EPM2A: variants seen among roughly 807,000 people sequenced by gnomAD.
EPM2A encodes the protein EPM2A glucan phosphatase, laforin.
Under a neutral mutation model 26.5 loss-of-function variants are expected in EPM2A, and 21 were observed. The observed-to-expected ratio is 0.79, with a 90% CI of 0.56 to 1.14. EPM2A has a LOEUF of 1.14. Among genes scored for constraint, EPM2A ranks in the 50% most tolerant of loss-of-function variants. The probability of loss-of-function intolerance (pLI) is 0.00; values close to 1 mark genes in which losing one functional copy is unlikely to be tolerated. For synonymous variants in EPM2A, 217 were observed against 177.6 expected (o/e 1.22, Z -1.76); for missense variants, 458 against 440.8 (o/e 1.04, Z -0.35).
At position 145,735,392 on chromosome 6, in the gene EPM2A, C is replaced by A; in HGVS notation, c.107G>T (p.Gly36Val). ...GCCGGCCGGCCTCAGGCGGACGGCA[C>A]CGCGCGGCTCCCAACGCCCCAGCTC... ...RPELGRWEPR[G>V]AVRLRPAGTA... The change falls in exon 1 of 4, where the codon GGT becomes GTT. Residue 36 changes from glycine to valine, a missense_variant. Coordinates refer to ENST00000367519, the MANE Select transcript of EPM2A (RefSeq NM_005670.4). 8.1e-7 allele frequency: 1 copy of A among 1,232,712 alleles called. No individual in the cohort carries two copies. Among genetic ancestry groups the A allele is most frequent in the South Asian group, 2.9e-5 (1 of 34,080 alleles). 76.4% of individuals were successfully genotyped at this position (1,232,712 alleles called of 1,614,324 possible). A position where few individuals can be genotyped will look rare whatever the true frequency, so the allele number is the denominator to read the frequency against.
At chr6:145,495,157 T>A (rs1779800622) in intron 4 of EPM2A, among the ~76,000 whole-genome samples, 1 of 152,212 alleles carries the variant, frequency 6.6e-6, no homozygotes, top group South Asian at 2.1e-4. Flanking sequence ...GCTTTATAAA[T>A]CTGGATGCTC....
At chr6:145,443,758 A>T (rs1779097053) in intron 4 of EPM2A, among the ~76,000 whole-genome samples, 1 of 152,056 alleles carries the variant, frequency 6.6e-6, no homozygotes, top group Non-Finnish European at 1.5e-5. Context: ...TGTGGAAGGG[A>T]CCTAGTGGGA....
chr6:145,728,204 T>C (rs541549138), intron 1 of EPM2A, among the ~76,000 whole-genome samples: 20 of 152,320 alleles, frequency 1.3e-4, no homozygotes, highest in South Asian at 2.1e-4. Flanking sequence ...ATGCAAGAAC[T>C]GACTAATACA....
At chr6:145,418,267 A>G (rs1219842656) in intron 4 of EPM2A, among the ~76,000 whole-genome samples, 1 of 152,152 alleles carries the variant, frequency 6.6e-6, no homozygotes, top group Non-Finnish European at 1.5e-5. Flanking sequence ...GCAAATTCCC[A>G]CAAATTCTTC....
intron 4 of EPM2A, among the ~76,000 whole-genome samples, chr6:145,461,186 G>A (rs1779325467): frequency 6.6e-6 from 1 of 152,162 alleles, no homozygotes; most frequent in Non-Finnish European, 1.5e-5. Context: ...CCAAAGCAAT[G>A]TCCCTGTCTA....
chr6:145,456,150 A>C (rs73559192), intron 4 of EPM2A, among the ~76,000 whole-genome samples: 2,463 of 152,308 alleles, frequency 0.016, 62 homozygotes, highest in African/African-American at 0.056. Context: ...GCTGTCAGAA[A>C]GTGATTTATG....
At chr6:145,452,029 G>A (rs1055626452) in intron 4 of EPM2A, among the ~76,000 whole-genome samples, 2 of 152,082 alleles carry the variant, frequency 1.3e-5, no homozygotes, top group Non-Finnish European at 2.9e-5. Flanking sequence ...TCTCCTTCCC[G>A]TGTCAGTACA....
intron 4 of EPM2A, chr6:145,384,135 A>G (rs1778226823): frequency 6.6e-6 from 1 of 151,958 alleles, no homozygotes; most frequent in Non-Finnish European, 1.5e-5. Context: ...TCTTGAGATT[A>G]TTTTACTTTG....
intron 2 of EPM2A, among the ~76,000 whole-genome samples, chr6:145,565,454 T>G (rs1369939939): frequency 6.6e-6 from 1 of 152,162 alleles, no homozygotes; most frequent in East Asian, 1.9e-4. Context: ...AAATATGAAC[T>G]AAACTTTAGA....
chr6:145,677,323 A>T (rs968906328), intron 2 of EPM2A, among the ~76,000 whole-genome samples: 1 of 152,218 alleles, frequency 6.6e-6, no homozygotes, highest in East Asian at 1.9e-4. Context: ...CACAGCCAAT[A>T]TTATACTGAA....
chr6:145,505,257 AT>A (rs946887090), intron 2 of EPM2A, among the ~76,000 whole-genome samples: 2 of 151,076 alleles, frequency 1.3e-5, no homozygotes, highest in African/African-American at 4.9e-5. Flanking sequence ...AAAAAAAAAA[AT>A]TTATTTTGAA....
intron 2 of EPM2A, among the ~76,000 whole-genome samples, chr6:145,661,455 C>A (rs558812213): frequency 6.6e-6 from 1 of 152,296 alleles, no homozygotes; most frequent in African/African-American, 2.4e-5. Flanking sequence ...TGTTTAAATG[C>A]AAGGGAATCC....
At chr6:145,432,697 G>A (rs922921944) in intron 4 of EPM2A, among the ~76,000 whole-genome samples, 5 of 152,096 alleles carry the variant, frequency 3.3e-5, no homozygotes. Context: ...AAAGCCACCA[G>A]CCATGTTAGC....
At chr6:145,616,103 CA>C (rs1480204940) in intron 2 of EPM2A, among the ~76,000 whole-genome samples, 1 of 152,232 alleles carries the variant, frequency 6.6e-6, no homozygotes, top group Non-Finnish European at 1.5e-5. Context: ...GTCTTCACTG[CA>C]GCCCCTCCCA....
intron 2 of EPM2A, among the ~76,000 whole-genome samples, chr6:145,506,121 C>T (rs1466791578): frequency 6.6e-6 from 1 of 152,110 alleles, no homozygotes; most frequent in Non-Finnish European, 1.5e-5. Flanking sequence ...AAGAGACAGC[C>T]CCTGTGTCAA....
chr6:145,421,229 C>A (rs1028149027), intron 4 of EPM2A, among the ~76,000 whole-genome samples: 1 of 152,052 alleles, frequency 6.6e-6, no homozygotes, highest in Non-Finnish European at 1.5e-5. Context: ...TGTAAATAGA[C>A]AGTGAAGGAC....
At chr6:145,634,815 C>A (rs1198059238) in intron 3 of EPM2A, 1 of 164,806 alleles carries the variant, frequency 6.1e-6, no homozygotes, top group African/African-American at 2.4e-5. Flanking sequence ...GACCCCACTT[C>A]TTGGCCTGAT....
At chr6:145,509,402 C>A (rs1270764878) in intron 2 of EPM2A, among the ~76,000 whole-genome samples, 3 of 152,148 alleles carry the variant, frequency 2.0e-5, no homozygotes, top group Non-Finnish European at 4.4e-5. Flanking sequence ...CAGCAGAAAT[C>A]TTACAAGCCA....
upstream of EPM2A, chr6:145,735,579 C>G (rs1185464953): frequency 3.7e-6 from 4 of 1,095,664 alleles, no homozygotes; most frequent in Middle Eastern, 4.0e-4. Flanking sequence ...GCGGCCGCAG[C>G]GATTGGGCGG....
Sources: allele counts gnomAD v4.1 joint callset (sites outside exome capture counted in the v4.1 genomes callset), GRCh38; gene constraint gnomAD v4.1.1; transcripts MANE v1.5; gene names NCBI Gene and HGNC (gene_info 2026-07-23, HGNC 2026-07-21).